Variants in DDX6 observed in about 807,000 individuals in gnomAD.
DDX6 encodes probable ATP-dependent RNA helicase DDX6.
DDX6 carries 7 observed loss-of-function variants against 60.6 expected under a neutral mutation model. The ratio of observed to expected loss-of-function variants is 0.12; its 90% CI spans 0.07 to 0.22. The LOEUF (loss-of-function observed/expected upper bound fraction) is 0.22, where lower values mean the gene tolerates loss of function less well. Ranked by LOEUF, DDX6 falls within the 10% of genes least tolerant of loss-of-function variation. The probability of loss-of-function intolerance (pLI) is 1.00; values close to 1 mark genes in which losing one functional copy is unlikely to be tolerated. For synonymous variants in DDX6, 207 were observed against 201.0 expected (o/e 1.03, Z -0.25); for missense variants, 270 against 589.9 (o/e 0.46, Z 5.62).
intron 1 of DDX6, chr11:118,788,040 G>C (rs990032059): frequency 1.3e-5 from 2 of 151,824 alleles, no homozygotes; most frequent in African/African-American, 4.8e-5. Context: ...GAGGGGCACG[G>C]TAGCTCACGC....
intron 5 of DDX6, among the ~76,000 whole-genome samples, chr11:118,767,444 A>G (rs1565568718): frequency 6.6e-6 from 1 of 152,174 alleles, no homozygotes. Flanking sequence ...TACATTGAAT[A>G]TAACTATGAA....
chr11:118,764,322 T>C (rs1273512439), intron 6 of DDX6, among the ~76,000 whole-genome samples: 1 of 152,198 alleles, frequency 6.6e-6, no homozygotes, highest in African/African-American at 2.4e-5. Context: ...TGAAAATGAA[T>C]ACAGGTCAAC....
chr11:118,759,545 T>C (rs1363408243), intron 8 of DDX6, among the ~76,000 whole-genome samples: 1 of 152,208 alleles, frequency 6.6e-6, no homozygotes, highest in African/African-American at 2.4e-5. Context: ...CCAAAGAACA[T>C]TTCCTTTTAG....
intron 5 of DDX6, among the ~76,000 whole-genome samples, chr11:118,765,685 G>T (rs554770357): frequency 6.6e-6 from 1 of 152,070 alleles, no homozygotes. Flanking sequence ...TGAGGCAGGA[G>T]AATCACTTGA....
At chr11:118,762,927 G>C (rs1861224365) in intron 7 of DDX6, among the ~76,000 whole-genome samples, 1 of 152,132 alleles carries the variant, frequency 6.6e-6, no homozygotes, top group Admixed American at 6.5e-5. Flanking sequence ...AGCAGAAAGA[G>C]ACTTAGAATA....
At chr11:118,758,699 T>C (rs1265222860) in intron 9 of DDX6, 75 bp downstream of exon 9, 13 of 1,559,186 alleles carry the variant, frequency 8.3e-6, no homozygotes, top group East Asian at 6.8e-5. Flanking sequence ...GTGAAGACGG[T>C]GGGAAAATTG....
At chr11:118,765,168 A>AT in intron 6 of DDX6, 41 bp downstream of exon 6, 1 of 1,594,318 alleles carries the variant, frequency 6.3e-7, no homozygotes, top group East Asian at 2.2e-5. Flanking sequence ...TGTGACTAAA[A>AT]TAACAGAGAG....
In DDX6 at chr11:118,758,948, G is replaced by T; in HGVS notation, c.865-46C>A. ...AGATGAGTCGTCGTCTTAAATGAAA[G>T]CAGAGTTCATCTCAAATTCAAAATA... On this transcript the variant is annotated intron_variant, in intron 8 of 13. Transcript: ENST00000534980. 3 of 1,608,482 alleles carry T rather than the reference G, an allele frequency of 1.9e-6. No individual in the cohort carries two copies. In the South Asian group the frequency reaches 3.3e-5, roughly 18 times the overall value.
chr11:118,768,182 C>A, intron 5 of DDX6, 41 bp downstream of exon 5: 1 of 1,588,198 alleles, frequency 6.3e-7, no homozygotes, highest in African/African-American at 1.3e-5. Context: ...AAGGCTGAAA[C>A]TCCCATTTTT....
At chr11:118,788,374 A>T (rs1377707874) in intron 1 of DDX6, 1 of 152,328 alleles carries the variant, frequency 6.6e-6, no homozygotes, top group African/African-American at 2.4e-5. Context: ...ATTATCCCGT[A>T]AATGGAAATC....
Position 118,779,685 on chromosome 11 carries a change from C to T in DDX6, c.316G>A (p.Glu106Lys). The T allele has an allele frequency of 1.2e-6, 2 of 1,612,292 alleles. No individual in the cohort carries two copies. Among genetic ancestry groups the T allele is most frequent in the Non-Finnish European group, 1.7e-6 (2 of 1,179,098 alleles). The change falls in exon 4 of 14, where the codon GAG becomes AAG. Residue 106 changes from glutamate (E) to lysine (K), a missense_variant. Physicochemically the swap from Glu to Lys is moderately conservative, Grantham distance 56. Around this residue, in one of 8 missense-constraint regions of DDX6, gnomAD observed 14 missense variants for 67.4 expected, o/e 0.21. Transcript: ENST00000534980. Reference protein sequence around the residue: ...NEFEDYCLKRELLMGIFEMGW... With the variant: ...NEFEDYCLKRKLLMGIFEMGW... ...ATTTCAAAAATTCCCATCAGTAACTCCCGTTTCAAACAGTAATCTTCAAAC... is the reference window on the plus strand; with the variant it reads ...ATTTCAAAAATTCCCATCAGTAACTTCCGTTTCAAACAGTAATCTTCAAAC...
chr11:118,789,857 C>CA (rs1375568368), intron 1 of DDX6: 2 of 152,150 alleles, frequency 1.3e-5, no homozygotes, highest in African/African-American at 4.8e-5. Context: ...AGCTTTTTCT[C>CA]AGAGAAGGAA....
chr11:118,761,714 C>CAA (rs1861172654), intron 7 of DDX6, among the ~76,000 whole-genome samples: 1 of 152,146 alleles, frequency 6.6e-6, no homozygotes, highest in Admixed American at 6.5e-5. Flanking sequence ...ATCTATAAGA[C>CAA]AAAAAGCTGA....
intron 6 of DDX6, among the ~76,000 whole-genome samples, chr11:118,763,806 C>T (rs1861255179): frequency 6.9e-6 from 1 of 145,504 alleles, no homozygotes; most frequent in Non-Finnish European, 1.5e-5. Flanking sequence ...TGCACTCTAG[C>T]CAGAGCAACA....
chr11:118,751,795 G>A lies in DDX6; in HGVS notation c.*310C>T, dbSNP rs1860781440. On this transcript the variant is annotated 3_prime_UTR_variant, in exon 14 of 14. Transcript: ENST00000534980. ...TTCATTAAGATTCTTCTCTTTTTAG[G>A]GTTTCTCCCCTTCTCTTCTTTCTTT... 1 of 368,326 alleles carries A rather than the reference G, an allele frequency of 2.7e-6. No individual in the cohort carries two copies. Among genetic ancestry groups the A allele is most frequent in the Non-Finnish European group, 5.3e-6 (1 of 189,464 alleles). 22.8% of individuals were successfully genotyped at this position (368,326 alleles called of 1,614,324 possible).
chr11:118,768,951 A>C (rs1292964279), intron 4 of DDX6, among the ~76,000 whole-genome samples: 1 of 128,918 alleles, frequency 7.8e-6, no homozygotes, highest in Non-Finnish European at 1.6e-5. Flanking sequence ...TGATTGCACC[A>C]CTGTACTCCA....
At chr11:118,784,079 C>A (rs1861992730) in intron 2 of DDX6, among the ~76,000 whole-genome samples, 2 of 109,128 alleles carry the variant, frequency 1.8e-5, no homozygotes, top group South Asian at 6.9e-4. Context: ...CAAAGTGAGA[C>A]CCTGTCTCAA....
At chr11:118,753,336 C>CTTT (rs34191912) in intron 13 of DDX6, among the ~76,000 whole-genome samples, 20 of 67,408 alleles carry the variant, frequency 3.0e-4, no homozygotes, top group African/African-American at 4.8e-4. Context: ...GCCCAAGTGG[C>CTTT]TTTTTTTTTT....
intron 4 of DDX6, among the ~76,000 whole-genome samples, chr11:118,770,773 T>C (rs906707217): frequency 1.3e-5 from 2 of 151,818 alleles, no homozygotes; most frequent in African/African-American, 4.8e-5. Flanking sequence ...TCCCAGCTAC[T>C]TGGGAGCCTG....
Sources: gnomAD v4.1 joint callset for allele counts (sites outside exome capture counted in the v4.1 genomes callset) on GRCh38, gnomAD v4.1.1 for gene constraint, gnomAD v4.1.1 regional missense constraint, MANE v1.5 for transcripts, NCBI Gene and HGNC (gene_info 2026-07-23, HGNC 2026-07-21) for gene names.